The following ZNF521 variants were observed in gnomAD, a reference collection of about 807,000 sequenced individuals.
ZNF521 encodes the protein zinc finger protein 521.
A neutral mutation model predicts 105.5 loss-of-function variants in ZNF521; 14 were observed. The observed-to-expected ratio is 0.13, with a 90% CI of 0.09 to 0.21. ZNF521 has a LOEUF of 0.21. Ranked by LOEUF, ZNF521 falls within the 10% of genes least tolerant of loss-of-function variation. The pLI, the probability that ZNF521 is intolerant of heterozygous loss-of-function variation, is 1.00. For synonymous variants in ZNF521, 635 were observed against 606.0 expected, an observed-to-expected ratio of 1.05 and a Z score of -0.70; for missense variants, 1,233 against 1,629.7, an observed-to-expected ratio of 0.76 and a Z score of 4.19.
At position 25,225,032 on chromosome 18, in the gene ZNF521, A is replaced by G; in HGVS notation, c.2886T>C (p.Pro962=). 1 of 1,614,190 alleles carries G rather than the reference A, an allele frequency of 6.2e-7. No homozygotes were observed. The highest frequency in any genetic ancestry group is 1.3e-5 in the African/African-American group (1 of 75,058). Reference sequence around the variant, plus strand: ...GGGAGGGAAACCGCTCTCCGCAAATAGGGCACATGTAGTGTTTGACAGGGC... The same window carrying G: ...GGGAGGGAAACCGCTCTCCGCAAATGGGGCACATGTAGTGTTTGACAGGGC... ...HLGPVKHYMC[P]ICGERFPSLL... The change falls in exon 4 of 8, where the codon CCT becomes CCC. Residue 962 remains proline (P), a synonymous_variant. Coordinates refer to ENST00000361524, the MANE Select transcript of ZNF521 (RefSeq NM_015461.3). This position sits in a 1 kb window ranked among gnomAD's most constrained non-coding sequence, Gnocchi z 5.6.
At chr18:25,131,175 C>G (rs1255144917) in intron 5 of ZNF521, among the ~76,000 whole-genome samples, 14 of 152,074 alleles carry the variant, frequency 9.2e-5, no homozygotes, top group Admixed American at 7.9e-4. Context: ...CACTCTGATG[C>G]CAGAATGACC....
In ZNF521 at chr18:25,181,477, G is replaced by A. The variant is rs116184376; in HGVS notation, c.3658+13683C>T. Among the ~76,000 whole-genome samples, 486 of 152,160 alleles carry A rather than the reference G, an allele frequency of 3.2e-3. 2 individuals are homozygous for A. Among genetic ancestry groups the A allele is most frequent in the African/African-American group, 0.011 (457 of 41,512 alleles). ...TTAATCACGTAAAAACATCACAGGCGCACAGCTCCCTTTCAACAAGCTGCC... is the reference window on the plus strand; with the variant it reads ...TTAATCACGTAAAAACATCACAGGCACACAGCTCCCTTTCAACAAGCTGCC... On this transcript the variant is annotated intron_variant, in intron 5 of 7. Transcript: ENST00000361524.
intron 5 of ZNF521, among the ~76,000 whole-genome samples, chr18:25,102,982 G>A (rs1396270909): frequency 6.6e-6 from 1 of 152,022 alleles, no homozygotes; most frequent in African/African-American, 2.4e-5. Flanking sequence ...ATCCCCCTAT[G>A]TCTTAAGCAG....
chr18:25,146,172 T>A (rs2034939698), intron 5 of ZNF521, among the ~76,000 whole-genome samples: 1 of 152,208 alleles, frequency 6.6e-6, no homozygotes, highest in South Asian at 2.1e-4. Flanking sequence ...GAGTTTTGGC[T>A]ACTTGTTAAT....
At chr18:25,285,130 T>C (rs1910626390) in intron 3 of ZNF521, among the ~76,000 whole-genome samples, 1 of 151,890 alleles carries the variant, frequency 6.6e-6, no homozygotes, top group African/African-American at 2.4e-5. Context: ...CATTAAGCAA[T>C]CTCCCTGCAG....
At chr18:25,119,787 A>C (rs987677561) in intron 5 of ZNF521, among the ~76,000 whole-genome samples, 1 of 152,056 alleles carries the variant, frequency 6.6e-6, no homozygotes, top group African/African-American at 2.4e-5. Flanking sequence ...AGAAGGGTAA[A>C]TTAAACGTAA....
At chr18:25,211,324 T>A (rs1411369073) in intron 4 of ZNF521, among the ~76,000 whole-genome samples, 1 of 152,200 alleles carries the variant, frequency 6.6e-6, no homozygotes, top group Non-Finnish European at 1.5e-5. Context: ...AGTTTTTTGT[T>A]TTTATGTTAA....
intron 5 of ZNF521, among the ~76,000 whole-genome samples, chr18:25,187,882 ATT>A (rs2035754118): frequency 6.6e-6 from 1 of 152,200 alleles, no homozygotes; most frequent in Non-Finnish European, 1.5e-5. Flanking sequence ...TAATCTAATT[ATT>A]AAGCCACTTC....
chr18:25,347,100 A>C (rs1914496622), intron 2 of ZNF521, among the ~76,000 whole-genome samples: 1 of 152,190 alleles, frequency 6.6e-6, no homozygotes, highest in Admixed American at 6.5e-5. Flanking sequence ...AAATAGAAAT[A>C]GGTCACAATT....
At chr18:25,217,349 C>A (rs1344965946) in intron 4 of ZNF521, among the ~76,000 whole-genome samples, 1 of 152,110 alleles carries the variant, frequency 6.6e-6, no homozygotes, top group South Asian at 2.1e-4. Context: ...TTTGAAGATA[C>A]TTATTGGAGG....
chr18:25,093,130 GA>G lies in ZNF521; in HGVS notation c.3659-1050del, dbSNP rs558581859. On this transcript the variant is annotated intron_variant, in intron 5 of 7. Coordinates refer to ENST00000361524, the MANE Select transcript of ZNF521 (RefSeq NM_015461.3). ...TTACAGATGAGAAAAATGAGGCGCAGAGAGTTTAAGTAACTTTGCTCTGAGT... is the reference window on the plus strand; with the variant it reads ...TTACAGATGAGAAAAATGAGGCGCAGGAGTTTAAGTAACTTTGCTCTGAGT... Among the ~76,000 whole-genome samples the G allele has an allele frequency of 3.3e-3, 508 of 152,198 alleles. 4 individuals carry two copies. The highest frequency in any genetic ancestry group is 0.012 in the African/African-American group (486 of 41,546).
intron 3 of ZNF521, among the ~76,000 whole-genome samples, chr18:25,285,806 A>T (rs1910676782): frequency 6.6e-6 from 1 of 152,196 alleles, no homozygotes; most frequent in Non-Finnish European, 1.5e-5. Context: ...CAGAAAATAA[A>T]TTAAGTGTAC....
At chr18:25,289,702 A>G (rs1271702683) in intron 3 of ZNF521, among the ~76,000 whole-genome samples, 1 of 152,210 alleles carries the variant, frequency 6.6e-6, no homozygotes, top group East Asian at 1.9e-4. Context: ...CTTGGTCTTT[A>G]TGATGACTTC....
Position 25,226,701 on chromosome 18 carries a change from C to T in ZNF521, c.1217G>A (p.Ser406Asn), listed in dbSNP as rs1235543917. The part of the protein sequence containing the change: ...PSSKQAKVTY[S>N]CIYCNKQLFS... ...TAATTGTTTGTTGCAGTAAATACAG[C>T]TGTAGGTAACTTTTGCTTGTTTACT... is the stretch of plus-strand genomic sequence containing the variant. Residue 406 changes from serine to asparagine, a missense_variant, in exon 4 of 8, where the codon AGC (serine) becomes AAC (asparagine). Transcript: ENST00000361524. This position sits in a 1 kb window ranked among gnomAD's most constrained non-coding sequence, Gnocchi z 4.1. The T allele has an allele frequency of 6.2e-7, 1 of 1,614,012 alleles. No homozygotes were observed. Among genetic ancestry groups the T allele is most frequent in the African/African-American group, 1.3e-5 (1 of 74,902 alleles).
intron 7 of ZNF521, among the ~76,000 whole-genome samples, chr18:25,063,193 A>T (rs2032956408): frequency 6.6e-6 from 1 of 152,188 alleles, no homozygotes; most frequent in African/African-American, 2.4e-5. Context: ...TCTGTGCGTG[A>T]TTTCCATTGG....
chr18:25,157,519 C>A (rs1014398575), intron 5 of ZNF521, among the ~76,000 whole-genome samples: 4 of 152,178 alleles, frequency 2.6e-5, no homozygotes, highest in Non-Finnish European at 5.9e-5. Context: ...AAGAGCAACA[C>A]GTTGGTAACA....
At chr18:25,277,139 T>C (rs1055045718) in intron 3 of ZNF521, among the ~76,000 whole-genome samples, 4 of 149,402 alleles carry the variant, frequency 2.7e-5, no homozygotes, top group Non-Finnish European at 4.4e-5. Context: ...GCCGAGATTA[T>C]GCCACTGCAC....
chr18:25,155,774 T>C (rs1007474207), intron 5 of ZNF521, among the ~76,000 whole-genome samples: 8 of 152,152 alleles, frequency 5.3e-5, no homozygotes, highest in African/African-American at 1.7e-4. Flanking sequence ...GGTATAAATA[T>C]ATGCAATAGA....
intron 3 of ZNF521, among the ~76,000 whole-genome samples, chr18:25,248,575 A>G (rs1907894470): frequency 6.6e-6 from 1 of 152,170 alleles, no homozygotes; most frequent in African/African-American, 2.4e-5. Context: ...ATTTACAACA[A>G]TCCTCTTATC....
Sources: allele counts gnomAD v4.1 joint callset (sites outside exome capture counted in the v4.1 genomes callset), GRCh38; gene constraint gnomAD v4.1.1; non-coding constraint Gnocchi (gnomAD v3.1); transcripts MANE v1.5; gene names NCBI Gene and HGNC (gene_info 2026-07-23, HGNC 2026-07-21).